Variants in PHLPP1 observed in about 807,000 individuals in gnomAD.
PHLPP1 encodes PH domain and leucine rich repeat protein phosphatase 1, also known as PH domain leucine-rich repeat-containing protein phosphatase 1.
In PHLPP1, 42 loss-of-function variants were observed where a neutral mutation model predicts 117.2. The ratio of observed to expected loss-of-function variants is 0.36; its 90% CI spans 0.28 to 0.46. The LOEUF is 0.46. PHLPP1 is among the 20% of genes least tolerant of loss of function. The probability of loss-of-function intolerance (pLI) is 1.00; values close to 1 mark genes in which losing one functional copy is unlikely to be tolerated. For synonymous variants in PHLPP1, 1,042 were observed against 970.7 expected, an observed-to-expected ratio of 1.07 and a Z score of -1.37; for missense variants, 2,084 against 2,241.9, an observed-to-expected ratio of 0.93 and a Z score of 1.42.
intron 1 of PHLPP1, among the ~76,000 whole-genome samples, chr18:62,776,941 CAGTT>C (rs1169837202): frequency 6.6e-6 from 1 of 152,258 alleles, no homozygotes; most frequent in Non-Finnish European, 1.5e-5. Flanking sequence ...GAATACATGA[CAGTT>C]TGTTTAGTCA....
chr18:62,838,747 C>CT lies in PHLPP1; in HGVS notation c.1774-36dup, dbSNP rs561808404. 2.1e-4 allele frequency: 333 copies of CT among 1,606,886 alleles called. 2 individuals are homozygous for CT. In the African/African-American group the frequency reaches 4.2e-3, roughly 20 times the overall value. On this transcript the variant is annotated intron_variant, in intron 2 of 16. Transcript: ENST00000262719. ...TGAAATACATCAGTGGTTCTGCTGT[C>CT]TGACTTGTTTCTGCTTCTCTCTGTT...
intron 12 of PHLPP1, among the ~76,000 whole-genome samples, chr18:62,955,058 A>G (rs574080656): frequency 1.4e-4 from 21 of 152,368 alleles, no homozygotes; most frequent in African/African-American, 5.0e-4. Flanking sequence ...AGGGACACCA[A>G]ATTGAAACAG....
chr18:62,806,906 A>C (rs1461965784), intron 1 of PHLPP1, among the ~76,000 whole-genome samples: 1 of 152,188 alleles, frequency 6.6e-6, no homozygotes, highest in Non-Finnish European at 1.5e-5. Flanking sequence ...CTATTTGAGG[A>C]AATTCCAAGA....
At chr18:62,717,282 C>T (rs1220998614) in intron 1 of PHLPP1, 23 bp downstream of exon 1, 1 of 1,539,336 alleles carries the variant, frequency 6.5e-7, no homozygotes, top group Admixed American at 2.0e-5. Flanking sequence ...CCTGCCTTGA[C>T]GGGTGGTTGC....
chr18:62,840,995 T>TTCTCCTACCTCAG (rs1656680627), intron 3 of PHLPP1, among the ~76,000 whole-genome samples: 1 of 152,186 alleles, frequency 6.6e-6, no homozygotes, highest in South Asian at 2.1e-4. Flanking sequence ...GTTCAAGCAA[T>TTCTCCTACCTCAG]TCTCCTACCT....
intron 14 of PHLPP1, among the ~76,000 whole-genome samples, chr18:62,967,927 C>G (rs575725887): frequency 1.3e-5 from 2 of 151,852 alleles, no homozygotes; most frequent in East Asian, 3.9e-4. Flanking sequence ...CGGGTTCAAG[C>G]AGTTCTCCAC....
chr18:62,788,969 A>C (rs573199925), intron 1 of PHLPP1, among the ~76,000 whole-genome samples: 1 of 152,238 alleles, frequency 6.6e-6, no homozygotes, highest in Non-Finnish European at 1.5e-5. Context: ...CAGAAAACCC[A>C]GCTTAACGTG....
Position 62,979,046 on chromosome 18 carries a change from C to T in PHLPP1, c.4769C>T (p.Ala1590Val). 1 of 1,613,770 alleles carries T rather than the reference C, an allele frequency of 6.2e-7. No homozygotes were observed. The highest frequency in any genetic ancestry group is 8.5e-7 in the Non-Finnish European group (1 of 1,179,806). The change falls in exon 17 of 17, where the codon GCC (alanine) becomes GTC (valine). Residue 1590 changes from alanine to valine, a missense_variant. By Grantham distance (64) the Ala-to-Val change is moderately conservative. Around this residue, in one of 2 missense-constraint regions of PHLPP1, gnomAD observed 1,365 missense variants for 1,605.9 expected, o/e 0.85. Transcript: ENST00000262719. ...QQHLLQVPAEASDEGIVISAN... is the reference protein window; with the variant it reads ...QQHLLQVPAEVSDEGIVISAN... ...CACCTGCTTCAGGTGCCAGCAGAGGCCAGTGATGAGGGCATTGTCATCAGC... is the reference window on the plus strand; with the variant it reads ...CACCTGCTTCAGGTGCCAGCAGAGGTCAGTGATGAGGGCATTGTCATCAGC...
intron 1 of PHLPP1, among the ~76,000 whole-genome samples, chr18:62,766,029 C>T (rs1316804911): frequency 8.5e-6 from 1 of 117,342 alleles, no homozygotes; most frequent in Non-Finnish European, 1.7e-5. Flanking sequence ...CCACTGCGCT[C>T]CAGCCTGGGC....
intron 1 of PHLPP1, among the ~76,000 whole-genome samples, chr18:62,720,645 C>T (rs917583227): frequency 1.3e-5 from 2 of 152,040 alleles, no homozygotes; most frequent in Non-Finnish European, 2.9e-5. Flanking sequence ...TAACGCGGTT[C>T]GAACGTGTGA....
At chr18:62,817,279 G>C (rs1054148053) in intron 1 of PHLPP1, among the ~76,000 whole-genome samples, 1 of 152,150 alleles carries the variant, frequency 6.6e-6, no homozygotes, top group East Asian at 1.9e-4. Flanking sequence ...TGATACAAAT[G>C]ATAGACTTAG....
chr18:62,913,719 T>C (rs1310995926), intron 8 of PHLPP1, among the ~76,000 whole-genome samples: 2 of 150,552 alleles, frequency 1.3e-5, no homozygotes, highest in Admixed American at 6.7e-5. Context: ...AAGACACCAT[T>C]AGTTTAGTTC....
intron 3 of PHLPP1, among the ~76,000 whole-genome samples, chr18:62,841,331 C>G (rs57184693): frequency 1.6e-5 from 2 of 128,558 alleles, no homozygotes; most frequent in African/African-American, 2.9e-5. Flanking sequence ...TTCTTTCTCT[C>G]TTTTTTTTTT....
chr18:62,929,742 G>GT (rs1200933002), intron 10 of PHLPP1, among the ~76,000 whole-genome samples: 7 of 152,136 alleles, frequency 4.6e-5, no homozygotes, highest in African/African-American at 1.4e-4. Flanking sequence ...GAGGTTAGGA[G>GT]TTTGAGACAA....
At chr18:62,783,843 C>A (rs1461426741) in intron 1 of PHLPP1, among the ~76,000 whole-genome samples, 1 of 152,228 alleles carries the variant, frequency 6.6e-6, no homozygotes, top group South Asian at 2.1e-4. Flanking sequence ...AAAAGCAATA[C>A]GGAATTTATA....
chr18:62,949,225 T>A (rs747687601), intron 12 of PHLPP1, among the ~76,000 whole-genome samples: 8 of 152,212 alleles, frequency 5.3e-5, no homozygotes, highest in Non-Finnish European at 1.2e-4. Flanking sequence ...AACTAGCTAG[T>A]TTCACCAAGC....
chr18:62,925,573 A>G lies in PHLPP1; in HGVS notation c.2960+5459A>G, dbSNP rs528873031. The stretch of plus-strand genomic sequence containing the variant: ...AAGGGAACAGAAAATTTAGAAGAGC[A>G]TGATCGATTGACCATGACAACTGGT... On this transcript the variant is annotated intron_variant, in intron 10 of 16. Transcript: ENST00000262719. Among the ~76,000 whole-genome samples, 18 of 150,958 alleles carry G rather than the reference A, an allele frequency of 1.2e-4. No homozygotes were observed. In the East Asian group the frequency reaches 3.3e-3, roughly 27 times the overall value.
intron 1 of PHLPP1, among the ~76,000 whole-genome samples, chr18:62,808,565 T>TTTGTTTTTTTTTTTA (rs1555673588): frequency 1.3e-5 from 2 of 150,800 alleles, no homozygotes; most frequent in Non-Finnish European, 3.0e-5. Flanking sequence ...TTGTTTTTTT[T>TTTGTTTTTTTTTTTA]TTTTGAGACG....
At chr18:62,861,116 T>C (rs1436851074) in intron 4 of PHLPP1, among the ~76,000 whole-genome samples, 1 of 152,122 alleles carries the variant, frequency 6.6e-6, no homozygotes, top group Non-Finnish European at 1.5e-5. Flanking sequence ...TGCTCCTTTA[T>C]TTTTTATTTT....
Sources: gnomAD v4.1 joint callset for allele counts (sites outside exome capture counted in the v4.1 genomes callset) on GRCh38, gnomAD v4.1.1 for gene constraint, gnomAD v4.1.1 regional missense constraint, MANE v1.5 for transcripts, NCBI Gene and HGNC (gene_info 2026-07-23, HGNC 2026-07-21) for gene names.